The following RSL1D1 variants were observed in gnomAD, a reference collection of about 807,000 sequenced individuals.
RSL1D1 encodes ribosomal L1 domain containing 1, also known as ribosomal L1 domain-containing protein 1.
A neutral mutation model predicts 44.6 loss-of-function variants in RSL1D1; 34 were observed. The ratio of observed to expected loss-of-function variants is 0.76; its 90% CI spans 0.58 to 1.02. The LOEUF is 1.02. RSL1D1 is among the 50% of genes least tolerant of loss of function. The pLI is 0.00. For missense variants in RSL1D1, 767 were observed against 568.1 expected, an observed-to-expected ratio of 1.35 and a Z score of -3.56; for synonymous variants, 271 against 207.4, an observed-to-expected ratio of 1.31 and a Z score of -2.63.
At chr16:11,843,566 T>G (rs1032335350) in intron 5 of RSL1D1, among the ~76,000 whole-genome samples, 1 of 151,860 alleles carries the variant, frequency 6.6e-6, no homozygotes, top group African/African-American at 2.4e-5. Flanking sequence ...AGCCGCCATG[T>G]TCAAGAATAA....
intron 5 of RSL1D1, among the ~76,000 whole-genome samples, chr16:11,845,597 T>C (rs2053791760): frequency 6.6e-6 from 1 of 152,170 alleles, no homozygotes; most frequent in African/African-American, 2.4e-5. Context: ...TCTAACACAG[T>C]AGCCACATTT....
chr16:11,838,235 C>CATTGCACTCTAGCATGGGCAG, intron 8 of RSL1D1, 122 bp from the exon 9 acceptor site: 3 of 856,058 alleles, frequency 3.5e-6, no homozygotes, highest in South Asian at 2.0e-5. Context: ...CTCTTGCTGC[C>CATTGCACTCTAGCATGGGCAG]CATGCTAGAG....
chr16:11,848,519 ACT>A (rs746655969), intron 2 of RSL1D1, among the ~76,000 whole-genome samples: 2 of 151,896 alleles, frequency 1.3e-5, no homozygotes, highest in African/African-American at 4.8e-5. Context: ...AAACATAATA[ACT>A]CTTTCTTCTT....
chr16:11,849,953 G>A (rs1044798298), intron 2 of RSL1D1, among the ~76,000 whole-genome samples: 1 of 152,062 alleles, frequency 6.6e-6, no homozygotes, highest in African/African-American at 2.4e-5. Flanking sequence ...TCAGCCTCCC[G>A]AGTAGCTGAG....
Position 11,847,713 on chromosome 16 carries a change from A to T in RSL1D1, c.339T>A (p.Phe113Leu), listed in dbSNP as rs1267772814. 2 of 1,613,378 alleles carry T rather than the reference A, an allele frequency of 1.2e-6. No homozygotes were observed. Among genetic ancestry groups the T allele is most frequent in the African/African-American group, 1.3e-5 (1 of 74,932 alleles). The change falls in exon 3 of 9, where the codon TTT becomes TTA. Residue 113 changes from phenylalanine (F) to leucine (L), a missense_variant. Physicochemically the swap from Phe to Leu is conservative, Grantham distance 22 (BLOSUM62 0). Transcript: ENST00000571133. ...PNSTPEKTEQ[F>L]YRKLLNKHGI... is the part of the protein sequence containing the mutation. ...CATGCTTGTTTAAAAGCTTTCTATA[A>T]AACTGTTCTGTCTTTTCAGGAGTTG...
chr16:11,844,992 G>C (rs1197758840), intron 5 of RSL1D1, among the ~76,000 whole-genome samples: 1 of 152,162 alleles, frequency 6.6e-6, no homozygotes, highest in Non-Finnish European at 1.5e-5. Flanking sequence ...GGTAAGACTA[G>C]GTGTGGGGGC....
At chr16:11,842,232 C>A (rs574986317) in intron 5 of RSL1D1, among the ~76,000 whole-genome samples, 118 of 151,546 alleles carry the variant, frequency 7.8e-4, no homozygotes, top group Non-Finnish European at 1.5e-3. Context: ...GAGGCTGAGG[C>A]AGAAAAATCA....
At chr16:11,843,403 CTG>C (rs2053776551) in intron 5 of RSL1D1, among the ~76,000 whole-genome samples, 1 of 151,948 alleles carries the variant, frequency 6.6e-6, no homozygotes, top group Admixed American at 6.6e-5. Flanking sequence ...TAGCACCTGA[CTG>C]TGAGGTTAGG....
In RSL1D1 at chr16:11,836,191, G is replaced by A. The variant is rs907275030; in HGVS notation, c.*1596C>T. ...TACCAATAAATAGTGTGGGCTCCCAGAGCTCACGGCCTTCACAGCCTCCAC... is the reference window on the plus strand; with the variant it reads ...TACCAATAAATAGTGTGGGCTCCCAAAGCTCACGGCCTTCACAGCCTCCAC... On this transcript the variant is annotated 3_prime_UTR_variant, in exon 9 of 9. Coordinates refer to ENST00000571133, the MANE Select transcript of RSL1D1 (RefSeq NM_015659.3). 6 of 152,182 alleles carry A rather than the reference G, an allele frequency of 3.9e-5. No individual in the cohort carries two copies. Among genetic ancestry groups the A allele is most frequent in the Admixed American group, 1.3e-4 (2 of 15,260 alleles). 9.4% of individuals were successfully genotyped at this position (152,182 alleles called of 1,614,324 possible).
chr16:11,851,500 C>G lies in RSL1D1; in HGVS notation c.13G>C (p.Ala5Pro). 6.2e-7 allele frequency: 1 copy of G among 1,613,778 alleles called. No individual in the cohort carries two copies. The highest frequency in any genetic ancestry group is 8.5e-7 in the Non-Finnish European group (1 of 1,179,956). Residue 5 changes from alanine (A) to proline (P), a missense_variant, in exon 1 of 9, where the codon GCC (alanine) becomes CCC (proline). By Grantham distance (27) the Ala-to-Pro change is conservative. Transcript: ENST00000571133. MEDS[A>P]SASLSSAAAT... is the part of the protein sequence containing the mutation. ...GCTGCAGAAGACAGCGAGGCCGAGG[C>G]CGAATCCTCCATCTTGTTTCCACCT...
At chr16:11,846,431 G>A (rs1015499331) in intron 5 of RSL1D1, 70 bp downstream of exon 5, 23 of 823,174 alleles carry the variant, frequency 2.8e-5, no homozygotes, top group African/African-American at 2.0e-4. Flanking sequence ...AAAACAAAAC[G>A]AATAAGTATA....
At chr16:11,843,778 G>C (rs560920922) in intron 5 of RSL1D1, among the ~76,000 whole-genome samples, 1 of 139,254 alleles carries the variant, frequency 7.2e-6, no homozygotes, top group African/African-American at 2.6e-5. Context: ...GGCTGAGGCA[G>C]AAGAATGGTG....
rs1202510427 is a variant in RSL1D1 at position 11,846,556 on chromosome 16, T to C, written c.580A>G (p.Ile194Val). 21 of 1,607,990 alleles carry C rather than the reference T, an allele frequency of 1.3e-5. No individual in the cohort carries two copies. Among genetic ancestry groups the C allele is most frequent in the Non-Finnish European group, 1.8e-5 (21 of 1,177,418 alleles). Residue 194 changes from isoleucine (I) to valine (V), a missense_variant, in exon 5 of 9, where the codon ATC becomes GTC. Physicochemically the swap from Ile to Val is conservative, Grantham distance 29 (BLOSUM62 3). Transcript: ENST00000571133. ...NLLSKNLSRE[I>V]NDCIGGTVLN... Reference sequence around the variant, plus strand: ...ACTGTTCCACCTATACAGTCATTGATCTCTCTTGATAAATTCTTGGACAGA... The same window carrying C: ...ACTGTTCCACCTATACAGTCATTGACCTCTCTTGATAAATTCTTGGACAGA...
rs1335010762 is a variant in RSL1D1 at position 11,834,746 on chromosome 16, TGG to T, written c.*3039_*3040del. 3 of 152,294 alleles carry T rather than the reference TGG, an allele frequency of 2.0e-5. No homozygotes were observed. Among genetic ancestry groups the T allele is most frequent in the African/African-American group, 7.2e-5 (3 of 41,568 alleles). 9.4% of individuals were successfully genotyped at this position (152,294 alleles called of 1,614,324 possible). On this transcript the variant is annotated 3_prime_UTR_variant, in exon 9 of 9. Transcript: ENST00000571133. ...CATTTATAGAAGCCCAAAAGGACAGTGGGGTTACAAATAATTTTATATTTTAG... is the reference window on the plus strand; with the variant it reads ...CATTTATAGAAGCCCAAAAGGACAGTGGTTACAAATAATTTTATATTTTAG...
At chr16:11,848,347 C>T (rs1035274710) in intron 2 of RSL1D1, among the ~76,000 whole-genome samples, 1 of 152,150 alleles carries the variant, frequency 6.6e-6, no homozygotes, top group African/African-American at 2.4e-5. Flanking sequence ...TGGGATACAA[C>T]AAGAATTAAA....
rs1212398442 is a variant in RSL1D1, at chr16:11,837,137, CTAA to C, written c.*647_*649del. ...CACAGATGCATGCCACCATGCCACA[CTAA>C]TTTTTTTTTTTCTTTTGTAGAGATG... On this transcript the variant is annotated 3_prime_UTR_variant, in exon 9 of 9. Coordinates refer to ENST00000571133, the MANE Select transcript of RSL1D1 (RefSeq NM_015659.3). 1 of 151,966 alleles carries C rather than the reference CTAA, an allele frequency of 6.6e-6. No homozygotes were observed. The highest frequency in any genetic ancestry group is 1.5e-5 in the Non-Finnish European group (1 of 68,032). 9.4% of individuals were successfully genotyped at this position (151,966 alleles called of 1,614,324 possible).
Position 11,851,516 on chromosome 16 carries a change from G to C in RSL1D1, c.-4C>G, listed in dbSNP as rs369003798. On this transcript the variant is annotated 5_prime_UTR_variant, in exon 1 of 9. Transcript: ENST00000571133. ...AGGCCGAGGCCGAATCCTCCATCTT[G>C]TTTCCACCTCGTGAAGAGGCGCGTG... The C allele has an allele frequency of 4.3e-6, 7 of 1,613,198 alleles. No homozygotes were observed. Among genetic ancestry groups the C allele is most frequent in the African/African-American group, 1.3e-5 (1 of 74,908 alleles).
At chr16:11,843,743 C>A (rs1229791213) in intron 5 of RSL1D1, among the ~76,000 whole-genome samples, 1 of 151,504 alleles carries the variant, frequency 6.6e-6, no homozygotes, top group African/African-American at 2.4e-5. Flanking sequence ...TTGTGGTGGG[C>A]GCCTATAGTC....
chr16:11,850,141 G>T, intron 2 of RSL1D1, 138 bp downstream of exon 2: 2 of 818,908 alleles, frequency 2.4e-6, no homozygotes, highest in Non-Finnish European at 3.6e-6. Flanking sequence ...TGGTTCTTTT[G>T]GACATAGTTG....
Sources: gnomAD v4.1 joint callset for allele counts (sites outside exome capture counted in the v4.1 genomes callset) on GRCh38, gnomAD v4.1.1 for gene constraint, MANE v1.5 for transcripts, NCBI Gene and HGNC (gene_info 2026-07-23, HGNC 2026-07-21) for gene names.